The following AGBL4 variants were observed in gnomAD, a reference collection of about 807,000 sequenced individuals.
AGBL4 encodes AGBL carboxypeptidase 4, also known as cytosolic carboxypeptidase 6.
A neutral mutation model predicts 66.4 loss-of-function variants in AGBL4; 58 were observed. The ratio of observed to expected loss-of-function variants is 0.87; its 90% CI spans 0.71 to 1.09. The LOEUF is 1.09. Ranked by LOEUF, AGBL4 falls within the 50% of genes least tolerant of loss-of-function variation. The pLI, the probability that AGBL4 is intolerant of heterozygous loss-of-function variation, is 0.00. For synonymous variants in AGBL4, 234 were observed against 222.9 expected (o/e 1.05, Z -0.44); for missense variants, 579 against 631.0 (o/e 0.92, Z 0.88).
intron 5 of AGBL4, among the ~76,000 whole-genome samples, chr1:48,888,116 C>A (rs1009328736): frequency 2.0e-5 from 3 of 152,168 alleles, no homozygotes; most frequent in African/African-American, 7.2e-5. Context: ...AAATAGTTCC[C>A]ATAAACAGCA....
At chr1:49,790,923 G>C (rs1644584278) in intron 2 of AGBL4, among the ~76,000 whole-genome samples, 1 of 152,136 alleles carries the variant, frequency 6.6e-6, no homozygotes, top group Non-Finnish European at 1.5e-5. Flanking sequence ...ACTGATAGAA[G>C]CTAAAATATT....
chr1:49,411,353 A>G (rs896195592), intron 3 of AGBL4, among the ~76,000 whole-genome samples: 6 of 152,208 alleles, frequency 3.9e-5, no homozygotes, highest in Admixed American at 3.3e-4. Flanking sequence ...GCACACTGAC[A>G]GCTGATTGGA....
At chr1:49,416,588 G>A (rs1557920529) in intron 3 of AGBL4, among the ~76,000 whole-genome samples, 2 of 152,234 alleles carry the variant, frequency 1.3e-5, no homozygotes, top group Non-Finnish European at 1.5e-5. Flanking sequence ...AGGCTGTGGA[G>A]TAGCATTCAA....
At chr1:49,892,854 C>A (rs1203183019) in intron 1 of AGBL4, among the ~76,000 whole-genome samples, 1 of 152,126 alleles carries the variant, frequency 6.6e-6, no homozygotes, top group Non-Finnish European at 1.5e-5. Flanking sequence ...TTCTTCTTTA[C>A]CTCTTATTTC....
chr1:49,166,424 C>A (rs1646635667), intron 4 of AGBL4, among the ~76,000 whole-genome samples: 1 of 152,092 alleles, frequency 6.6e-6, no homozygotes, highest in Non-Finnish European at 1.5e-5. Flanking sequence ...TATCTGCCTA[C>A]CTTTCCAGAG....
At chr1:49,935,791 G>C (rs1653936583) in intron 1 of AGBL4, among the ~76,000 whole-genome samples, 1 of 152,172 alleles carries the variant, frequency 6.6e-6, no homozygotes, top group Admixed American at 6.5e-5. Context: ...CTGTTAGATG[G>C]AAAACTAACA....
chr1:49,308,884 A>T (rs972161872), intron 3 of AGBL4, among the ~76,000 whole-genome samples: 1 of 152,128 alleles, frequency 6.6e-6, no homozygotes, highest in Non-Finnish European at 1.5e-5. Context: ...GTTTTAAAAA[A>T]CTTTACACAA....
chr1:48,531,854 G>A (rs1382354457), downstream of AGBL4, among the ~76,000 whole-genome samples: 2 of 152,046 alleles, frequency 1.3e-5, no homozygotes, highest in African/African-American at 4.8e-5. Context: ...TGGCTCATTG[G>A]CTCACTGCAA....
intron 3 of AGBL4, among the ~76,000 whole-genome samples, chr1:49,263,728 G>A (rs1324379097): frequency 6.6e-6 from 1 of 152,088 alleles, no homozygotes; most frequent in Non-Finnish European, 1.5e-5. Flanking sequence ...CTCTTTAGAG[G>A]GGTACTTGAC....
At chr1:49,867,722 G>A (rs544006673) in intron 1 of AGBL4, among the ~76,000 whole-genome samples, 12 of 152,180 alleles carry the variant, frequency 7.9e-5, no homozygotes, top group African/African-American at 2.7e-4. Context: ...CCTGAAGGAA[G>A]CACTAAATAT....
At chr1:49,335,433 G>A (rs1272617640) in intron 3 of AGBL4, among the ~76,000 whole-genome samples, 2 of 151,972 alleles carry the variant, frequency 1.3e-5, no homozygotes, top group East Asian at 3.9e-4. Context: ...TGGTTTTTCT[G>A]TAAACATAAG....
intron 3 of AGBL4, among the ~76,000 whole-genome samples, chr1:49,619,871 A>G (rs886150226): frequency 1.3e-5 from 2 of 152,224 alleles, no homozygotes; most frequent in African/African-American, 4.8e-5. Context: ...GCAATGGGGA[A>G]AGGATTCCCT....
chr1:49,126,821 G>A (rs12033910), intron 4 of AGBL4, among the ~76,000 whole-genome samples: 6,385 of 152,148 alleles, frequency 0.042, 174 homozygotes, highest in East Asian at 0.073. Context: ...CTAGCAATGG[G>A]ACTTTCTCAG....
chr1:49,851,436 G>T lies in AGBL4; in HGVS notation c.117C>A (p.Pro39=). The part of the protein sequence containing the change: ...IVLPTGYCGQ[P]KKGHLIFDAC... ...CATCAAAGATAAGATGTCCTTTCTTGGGCTGTCCACAATAGCCAGTTGGAA... is the reference window on the plus strand; with the variant it reads ...CATCAAAGATAAGATGTCCTTTCTTTGGCTGTCCACAATAGCCAGTTGGAA... The change falls in exon 2 of 14, where the codon CCC becomes CCA. Residue 39 remains proline (P), a synonymous_variant. Coordinates refer to ENST00000371839, the MANE Select transcript of AGBL4 (RefSeq NM_032785.4). 6.5e-7 allele frequency: 1 copy of T among 1,550,292 alleles called. No individual in the cohort carries two copies. Among genetic ancestry groups the T allele is most frequent in the South Asian group, 1.2e-5 (1 of 83,914 alleles).
intron 3 of AGBL4, among the ~76,000 whole-genome samples, chr1:49,655,298 A>G (rs1191939585): frequency 6.6e-6 from 1 of 152,224 alleles, no homozygotes; most frequent in South Asian, 2.1e-4. Flanking sequence ...GTTTCTGCCA[A>G]GAGATCAGCT....
chr1:49,524,811 A>G (rs1198549579), intron 3 of AGBL4, among the ~76,000 whole-genome samples: 1 of 151,970 alleles, frequency 6.6e-6, no homozygotes, highest in African/African-American at 2.4e-5. Flanking sequence ...ATACTACCTT[A>G]TAACCACTGA....
chr1:48,667,312 C>A (rs1178944571), intron 6 of AGBL4, among the ~76,000 whole-genome samples: 1 of 152,184 alleles, frequency 6.6e-6, no homozygotes, highest in Non-Finnish European at 1.5e-5. Context: ...GAATGGCTCA[C>A]CCTTGGGGAA....
chr1:48,669,954 A>T (rs368025), intron 6 of AGBL4, among the ~76,000 whole-genome samples: 75,117 of 152,028 alleles, frequency 0.49, 19,815 homozygotes, highest in Middle Eastern at 0.65. Context: ...CTAAAATCTC[A>T]TATCTAAGTA....
intron 3 of AGBL4, among the ~76,000 whole-genome samples, chr1:49,248,853 T>C (rs899662098): frequency 2.6e-5 from 4 of 152,206 alleles, no homozygotes; most frequent in Admixed American, 6.5e-5. Flanking sequence ...TTATTTTTTC[T>C]TTAGATTTAA....
Sources: gnomAD v4.1 joint callset for allele counts (sites outside exome capture counted in the v4.1 genomes callset) on GRCh38, gnomAD v4.1.1 for gene constraint, MANE v1.5 for transcripts, NCBI Gene and HGNC (gene_info 2026-07-23, HGNC 2026-07-21) for gene names.